GREB1L: variants seen among roughly 807,000 people sequenced by gnomAD.
GREB1L encodes the protein GREB1-like protein.
In GREB1L, 17 loss-of-function variants were observed where a neutral mutation model predicts 200.8. That is an observed-to-expected ratio of 0.08 (90% CI 0.06 to 0.13). GREB1L has a LOEUF of 0.13. Ranked by LOEUF, GREB1L falls within the 10% of genes least tolerant of loss-of-function variation. The probability of loss-of-function intolerance (pLI) is 1.00; values close to 1 mark genes in which losing one functional copy is unlikely to be tolerated. For missense variants in GREB1L, 1,657 were observed against 2,367.7 expected (o/e 0.70, Z 6.23); for synonymous variants, 789 against 893.0 (o/e 0.88, Z 2.08).
At chr18:21,243,325 T>C (rs1301729332) in intron 1 of GREB1L, among the ~76,000 whole-genome samples, 1 of 152,208 alleles carries the variant, frequency 6.6e-6, no homozygotes, top group Non-Finnish European at 1.5e-5. Flanking sequence ...CCGCTGCCTC[T>C]AACCGAGGCT....
intron 1 of GREB1L, among the ~76,000 whole-genome samples, chr18:21,347,908 A>C (rs1389047644): frequency 4.2e-5 from 6 of 143,790 alleles, no homozygotes; most frequent in African/African-American, 1.6e-4. Flanking sequence ...CTGGGACTAC[A>C]AGCACGTGCC....
intron 4 of GREB1L, among the ~76,000 whole-genome samples, chr18:21,387,149 A>G (rs2040576719): frequency 1.3e-5 from 2 of 152,210 alleles, no homozygotes; most frequent in Admixed American, 1.3e-4. Context: ...TTGATTGTCC[A>G]GAGGGGTAAA....
chr18:21,374,381 G>A (rs1467917633), intron 2 of GREB1L, among the ~76,000 whole-genome samples: 1 of 152,126 alleles, frequency 6.6e-6, no homozygotes, highest in Admixed American at 6.5e-5. Context: ...CCCAGACTTG[G>A]AACTGGTCAT....
intron 28 of GREB1L, among the ~76,000 whole-genome samples, chr18:21,514,384 G>A (rs950441418): frequency 6.6e-5 from 10 of 152,178 alleles, no homozygotes; most frequent in Non-Finnish European, 1.0e-4. Flanking sequence ...GCGTGGTGGC[G>A]CATGCCTGCA....
At chr18:21,276,672 C>G (rs2038169621) in intron 1 of GREB1L, among the ~76,000 whole-genome samples, 1 of 152,054 alleles carries the variant, frequency 6.6e-6, no homozygotes, top group African/African-American at 2.4e-5. Flanking sequence ...TGACACCTTC[C>G]TTCTGCTTTA....
chr18:21,357,842 A>G (rs2039527501), intron 1 of GREB1L, among the ~76,000 whole-genome samples: 2 of 152,196 alleles, frequency 1.3e-5, no homozygotes, highest in Admixed American at 1.3e-4. Context: ...TGCCAGTACC[A>G]TGCTTTTTTG....
intron 1 of GREB1L, among the ~76,000 whole-genome samples, chr18:21,335,974 T>G (rs145292820): frequency 2.6e-5 from 4 of 152,312 alleles, no homozygotes; most frequent in Non-Finnish European, 5.9e-5. Context: ...TGTTTTGCAT[T>G]TCTTAAAATA....
intron 1 of GREB1L, among the ~76,000 whole-genome samples, chr18:21,253,683 T>C (rs2143993324): frequency 1.3e-5 from 2 of 152,358 alleles, no homozygotes; most frequent in Middle Eastern, 6.8e-3. Context: ...AAAGAAACAT[T>C]ACTTGTAATT....
chr18:21,405,320 A>T (rs2030057235), intron 7 of GREB1L, among the ~76,000 whole-genome samples: 1 of 152,216 alleles, frequency 6.6e-6, no homozygotes, highest in African/African-American at 2.4e-5. Flanking sequence ...TTAGAATATC[A>T]TTTATGTAAT....
chr18:21,407,191 T>C (rs890341861), intron 7 of GREB1L, among the ~76,000 whole-genome samples: 2 of 152,124 alleles, frequency 1.3e-5, no homozygotes, highest in Non-Finnish European at 2.9e-5. Context: ...AACATTTTCA[T>C]GTAATTGCTA....
At chr18:21,474,019 G>T (rs2035587691) in intron 16 of GREB1L, among the ~76,000 whole-genome samples, 1 of 152,130 alleles carries the variant, frequency 6.6e-6, no homozygotes, top group African/African-American at 2.4e-5. Flanking sequence ...ATCTCCCACT[G>T]GGTCCCTCCC....
At chr18:21,337,904 G>A (rs1598670924) in intron 1 of GREB1L, among the ~76,000 whole-genome samples, 1 of 151,874 alleles carries the variant, frequency 6.6e-6, no homozygotes. Flanking sequence ...GGAGAATGGC[G>A]TGAACCTGGG....
chr18:21,522,644 C>G lies in GREB1L; in HGVS notation c.5609-14C>G. On this transcript the variant is annotated splice_polypyrimidine_tract_variant and intron_variant, in intron 32 of 32. Transcript: ENST00000424526. Reference sequence around the variant, plus strand: ...CCCTGAGCCTAGGACATATTTCTGTCTTTTTTCCTGAAGGTGCTACACTGT... The same window carrying G: ...CCCTGAGCCTAGGACATATTTCTGTGTTTTTTCCTGAAGGTGCTACACTGT... The G allele has an allele frequency of 3.2e-6, 5 of 1,540,190 alleles. No individual in the cohort carries two copies. The highest frequency in any genetic ancestry group is 4.4e-6 in the Non-Finnish European group (5 of 1,140,808).
At chr18:21,480,512 T>A (rs567349740) in intron 17 of GREB1L, among the ~76,000 whole-genome samples, 1 of 152,116 alleles carries the variant, frequency 6.6e-6, no homozygotes, top group Admixed American at 6.5e-5. Flanking sequence ...GAAATTGAGA[T>A]CAACATGGGA....
intron 1 of GREB1L, among the ~76,000 whole-genome samples, chr18:21,343,730 ATTTTTT>A (rs36120644): frequency 8.7e-6 from 1 of 114,952 alleles, no homozygotes; most frequent in Non-Finnish European, 1.8e-5. Flanking sequence ...GAGAAGAGAG[ATTTTTT>A]TTTTTTTTTT....
At chr18:21,244,189 C>T (rs1056887596) in intron 1 of GREB1L, among the ~76,000 whole-genome samples, 3 of 151,850 alleles carry the variant, frequency 2.0e-5, no homozygotes, top group Admixed American at 1.3e-4. Context: ...CTAATATCTC[C>T]TCCTGCACAC....
At chr18:21,271,494 A>G (rs2038077364) in intron 1 of GREB1L, among the ~76,000 whole-genome samples, 1 of 151,574 alleles carries the variant, frequency 6.6e-6, no homozygotes, top group South Asian at 2.1e-4. Flanking sequence ...AAAAAGCTAA[A>G]AAAAAAAAAT....
At position 21,523,457 on chromosome 18, in the gene GREB1L, C is replaced by A. The variant is rs556891448; in HGVS notation, c.*636C>A. The A allele has an allele frequency of 1.3e-5, 2 of 152,304 alleles. No homozygotes were observed. Among genetic ancestry groups the A allele is most frequent in the African/African-American group, 4.8e-5 (2 of 41,564 alleles). 9.4% of individuals were successfully genotyped at this position (152,304 alleles called of 1,614,324 possible). On this transcript the variant is annotated 3_prime_UTR_variant, in exon 33 of 33. Coordinates refer to ENST00000424526, the MANE Select transcript of GREB1L (RefSeq NM_001142966.3). ...TTAGAAGTTTACTATTTAAACTGAA[C>A]AAACAAATCAGTAAATGCAGAGCAG...
intron 2 of GREB1L, among the ~76,000 whole-genome samples, chr18:21,366,370 C>A (rs1040375523): frequency 6.6e-6 from 1 of 151,908 alleles, no homozygotes; most frequent in East Asian, 1.9e-4. Context: ...TCCTATATAC[C>A]TAAATTAAGA....
Sources: gnomAD v4.1 joint callset for allele counts (sites outside exome capture counted in the v4.1 genomes callset) on GRCh38, gnomAD v4.1.1 for gene constraint, MANE v1.5 for transcripts, NCBI Gene and HGNC (gene_info 2026-07-23, HGNC 2026-07-21) for gene names.